The following MICU3 variants were observed in gnomAD, a reference collection of about 807,000 sequenced individuals.
MICU3 encodes the protein calcium uptake protein 3, mitochondrial.
In MICU3, 62 loss-of-function variants were observed where a neutral mutation model predicts 66.5. That is an observed-to-expected ratio of 0.93 (90% CI 0.76 to 1.15). MICU3 has a LOEUF of 1.15. Among genes scored for constraint, MICU3 ranks in the 50% most tolerant of loss-of-function variants. The pLI, the probability that MICU3 is intolerant of heterozygous loss-of-function variation, is 0.00. For synonymous variants in MICU3, 308 were observed against 240.7 expected (o/e 1.28, Z -2.59); for missense variants, 779 against 664.4 (o/e 1.17, Z -1.90).
chr8:17,073,494 A>G (rs1253345874), intron 3 of MICU3, among the ~76,000 whole-genome samples: 1 of 151,724 alleles, frequency 6.6e-6, no homozygotes, highest in African/African-American at 2.4e-5. Context: ...CAAGCTCAGG[A>G]CTCCCACTGA....
intron 7 of MICU3, among the ~76,000 whole-genome samples, chr8:17,088,988 T>C (rs2150752332): frequency 6.6e-6 from 1 of 152,118 alleles, no homozygotes; most frequent in African/African-American, 2.4e-5. Flanking sequence ...TTTTATTTTA[T>C]ATGGGTTAAT....
chr8:17,119,630 G>A (rs1250097132), intron 14 of MICU3, among the ~76,000 whole-genome samples: 4 of 151,864 alleles, frequency 2.6e-5, no homozygotes, highest in African/African-American at 9.7e-5. Flanking sequence ...AAAAAAAAAA[G>A]TTGCTTAGTC....
At chr8:17,046,915 GA>G (rs143419343) in intron 1 of MICU3, among the ~76,000 whole-genome samples, 133 of 152,170 alleles carry the variant, frequency 8.7e-4, no homozygotes, top group African/African-American at 3.0e-3. Flanking sequence ...AGAAGGAGCA[GA>G]CATAGCTGGC....
Position 17,077,773 on chromosome 8 carries a change from TC to T in MICU3, c.568-9del. ...TTACCAATTCATCAGTAGTATAACT[TC>T]TGTCATAGGAATTAAATCAAATGCT... On this transcript the variant is annotated splice_polypyrimidine_tract_variant and intron_variant, in intron 3 of 14. Coordinates refer to ENST00000318063, the MANE Select transcript of MICU3 (RefSeq NM_181723.3). 1 of 1,598,254 alleles carries T rather than the reference TC, an allele frequency of 6.3e-7. No homozygotes were observed. Among genetic ancestry groups the T allele is most frequent in the Non-Finnish European group, 8.6e-7 (1 of 1,167,174 alleles).
chr8:17,114,658 T>C (rs1802514740), intron 12 of MICU3, among the ~76,000 whole-genome samples: 1 of 152,186 alleles, frequency 6.6e-6, no homozygotes, highest in African/African-American at 2.4e-5. Flanking sequence ...TCTTTGGCTA[T>C]AGGTGGACTA....
chr8:17,125,035 A>T (rs1343554280), downstream of MICU3, among the ~76,000 whole-genome samples: 2 of 152,120 alleles, frequency 1.3e-5, no homozygotes, highest in African/African-American at 4.8e-5. Flanking sequence ...CTGGAAAAAA[A>T]ATGTAATTAT....
intron 1 of MICU3, among the ~76,000 whole-genome samples, chr8:17,057,773 G>C (rs112081830): frequency 6.6e-6 from 1 of 152,022 alleles, no homozygotes; most frequent in Non-Finnish European, 1.5e-5. Flanking sequence ...ATATAATTCA[G>C]GTTTTCTTGG....
intron 5 of MICU3, among the ~76,000 whole-genome samples, chr8:17,083,472 T>A (rs1821495872): frequency 6.6e-6 from 1 of 152,078 alleles, no homozygotes; most frequent in African/African-American, 2.4e-5. Flanking sequence ...GCTTATCATC[T>A]TTCTTTTAAA....
intron 2 of MICU3, among the ~76,000 whole-genome samples, chr8:17,067,571 G>C (rs375837354): frequency 6.6e-6 from 1 of 151,854 alleles, no homozygotes; most frequent in Non-Finnish European, 1.5e-5. Flanking sequence ...CTGGGATTAC[G>C]GGCAGCTGCT....
chr8:17,121,488 A>G lies in MICU3; in HGVS notation c.*1201A>G, dbSNP rs544762821. The G allele has an allele frequency of 1.3e-5, 2 of 152,164 alleles. No individual in the cohort carries two copies. The highest frequency in any genetic ancestry group is 4.8e-5 in the African/African-American group (2 of 41,550). 9.4% of individuals were successfully genotyped at this position (152,164 alleles called of 1,614,324 possible). ...AATGCTTAGTTTATACAAAGATACTACACAAAAATAGAACAATTAGTCTGA... is the reference window on the plus strand; with the variant it reads ...AATGCTTAGTTTATACAAAGATACTGCACAAAAATAGAACAATTAGTCTGA... On this transcript the variant is annotated 3_prime_UTR_variant, in exon 15 of 15. Coordinates refer to ENST00000318063, the MANE Select transcript of MICU3 (RefSeq NM_181723.3).
At chr8:17,037,356 G>T (rs1209647174) in intron 1 of MICU3, among the ~76,000 whole-genome samples, 7 of 152,236 alleles carry the variant, frequency 4.6e-5, no homozygotes, top group Admixed American at 4.6e-4. Context: ...GGACTGTGAA[G>T]ACTGCCAGCA....
At position 17,029,093 on chromosome 8, in the gene MICU3, G is replaced by A. The variant is rs562168663; in HGVS notation, c.381+1433G>A. On this transcript the variant is annotated intron_variant, in intron 1 of 14. Transcript: ENST00000318063. ...ATGCCTGTTTCCTCACCTGTGAAATGAGGCTAATAGTCTCCTGGGGTGTTA... is the reference window on the plus strand; with the variant it reads ...ATGCCTGTTTCCTCACCTGTGAAATAAGGCTAATAGTCTCCTGGGGTGTTA... Among the ~76,000 whole-genome samples the A allele has an allele frequency of 2.0e-5, 3 of 152,352 alleles. No individual in the cohort carries two copies. In the East Asian group the frequency reaches 5.8e-4, roughly 29 times the overall value.
chr8:17,036,393 A>C (rs938083357), intron 1 of MICU3, among the ~76,000 whole-genome samples: 3 of 152,002 alleles, frequency 2.0e-5, no homozygotes, highest in Non-Finnish European at 2.9e-5. Flanking sequence ...GTGGAAGGGG[A>C]CCCGAGCGGG....
chr8:17,069,187 C>T (rs1216898706), intron 2 of MICU3, among the ~76,000 whole-genome samples: 3 of 152,040 alleles, frequency 2.0e-5, no homozygotes, highest in Admixed American at 6.6e-5. Flanking sequence ...CCTAGCCTCC[C>T]TTTCCTTTCT....
At chr8:17,055,161 A>G (rs1432302111) in intron 1 of MICU3, among the ~76,000 whole-genome samples, 1 of 152,218 alleles carries the variant, frequency 6.6e-6, no homozygotes, top group East Asian at 1.9e-4. Context: ...TATCAAGCCC[A>G]TGGCTATGTC....
At chr8:17,130,086 C>G in the MICU3 span, among the ~76,000 whole-genome samples, 2 of 152,124 alleles carry the variant, frequency 1.3e-5, no homozygotes, top group African/African-American at 2.4e-5. Flanking sequence ...AACCAGCAGA[C>G]CTGCACACTG....
In MICU3 at chr8:17,027,275, C is replaced by T. The variant is rs956751390; in HGVS notation, c.-5C>T. 1.2e-5 allele frequency: 14 copies of T among 1,215,912 alleles called. No individual in the cohort carries two copies. The highest frequency in any genetic ancestry group is 8.6e-5 in the South Asian group (6 of 70,082). The allele number at this position is 1,215,912 out of a possible 1,614,324, so 75.3% of individuals were successfully genotyped here. On this transcript the variant is annotated 5_prime_UTR_variant, in exon 1 of 15. Coordinates refer to ENST00000318063, the MANE Select transcript of MICU3 (RefSeq NM_181723.3). ...CTCCCAGCTCTGGTGTGGGCGGCCTCCGCTATGGCTGCGCTGCGAAGGCTC... is the reference window on the plus strand; with the variant it reads ...CTCCCAGCTCTGGTGTGGGCGGCCTTCGCTATGGCTGCGCTGCGAAGGCTC...
chr8:17,030,088 G>A (rs368938769), intron 1 of MICU3, among the ~76,000 whole-genome samples: 3 of 152,006 alleles, frequency 2.0e-5, no homozygotes, highest in South Asian at 2.1e-4. Flanking sequence ...ATGAGTTATA[G>A]CATTCTATTT....
chr8:17,129,914 C>A, the MICU3 span, among the ~76,000 whole-genome samples: 1 of 152,146 alleles, frequency 6.6e-6, no homozygotes, highest in East Asian at 1.9e-4. Context: ...AGAATCAGTG[C>A]TGACTTATCA....
Sources: gnomAD v4.1 joint callset for allele counts (sites outside exome capture counted in the v4.1 genomes callset) on GRCh38, gnomAD v4.1.1 for gene constraint, MANE v1.5 for transcripts, NCBI Gene and HGNC (gene_info 2026-07-23, HGNC 2026-07-21) for gene names.